The following FSTL5 variants were observed in gnomAD, a reference collection of about 807,000 sequenced individuals.
FSTL5 encodes the protein follistatin like 5.
A neutral mutation model predicts 89.1 loss-of-function variants in FSTL5; 62 were observed. The observed-to-expected ratio is 0.70, with a 90% CI of 0.57 to 0.86. The LOEUF is 0.86. Ranked by LOEUF, FSTL5 falls within the 40% of genes least tolerant of loss-of-function variation. The probability of loss-of-function intolerance (pLI) is 0.00; values close to 1 mark genes in which losing one functional copy is unlikely to be tolerated. For missense variants in FSTL5, 1,057 were observed against 1,001.6 expected (o/e 1.06, Z -0.75); for synonymous variants, 383 against 346.2 (o/e 1.11, Z -1.18).
intron 4 of FSTL5, among the ~76,000 whole-genome samples, chr4:161,862,389 G>A (rs957598523): frequency 6.6e-6 from 1 of 152,142 alleles, no homozygotes; most frequent in African/African-American, 2.4e-5. Context: ...CTTGATATTG[G>A]AGATGATGCC....
intron 10 of FSTL5, among the ~76,000 whole-genome samples, chr4:161,527,006 G>A (rs2126524340): frequency 6.6e-6 from 1 of 152,142 alleles, no homozygotes; most frequent in South Asian, 2.1e-4. Flanking sequence ...GATGGGGATG[G>A]CATTGAATCT....
chr4:161,610,051 C>T (rs1486558893), intron 7 of FSTL5, among the ~76,000 whole-genome samples: 1 of 151,720 alleles, frequency 6.6e-6, no homozygotes, highest in East Asian at 1.9e-4. Flanking sequence ...CTGAGTAGTA[C>T]GTGTATGTGT....
intron 10 of FSTL5, among the ~76,000 whole-genome samples, chr4:161,536,865 A>G (rs530358293): frequency 6.6e-6 from 1 of 152,322 alleles, no homozygotes; most frequent in African/African-American, 2.4e-5. Flanking sequence ...AAGGACAAAG[A>G]AAACAAACAT....
chr4:161,855,881 A>G (rs1352991800), intron 4 of FSTL5, among the ~76,000 whole-genome samples: 3 of 152,172 alleles, frequency 2.0e-5, no homozygotes, highest in African/African-American at 7.2e-5. Flanking sequence ...GTTGGAAAAA[A>G]TGGTTCAAAG....
intron 3 of FSTL5, among the ~76,000 whole-genome samples, chr4:162,009,122 C>T (rs1273234822): frequency 1.3e-5 from 2 of 152,004 alleles, no homozygotes; most frequent in South Asian, 4.1e-4. Flanking sequence ...CTTAGAAATG[C>T]CATTTTTTCA....
intron 5 of FSTL5, among the ~76,000 whole-genome samples, chr4:161,771,394 A>G (rs989538828): frequency 6.6e-6 from 1 of 152,092 alleles, no homozygotes; most frequent in African/African-American, 2.4e-5. Context: ...ACTGGGTACT[A>G]TTATCATTGC....
At chr4:161,904,587 C>G (rs556197662) in intron 4 of FSTL5, among the ~76,000 whole-genome samples, 1 of 151,460 alleles carries the variant, frequency 6.6e-6, no homozygotes, top group South Asian at 2.1e-4. Context: ...ACATATTCAG[C>G]AGGAAGTCAG....
At chr4:161,438,157 G>T (rs1732637040) in intron 15 of FSTL5, among the ~76,000 whole-genome samples, 1 of 152,168 alleles carries the variant, frequency 6.6e-6, no homozygotes, top group Non-Finnish European at 1.5e-5. Flanking sequence ...AAGGCAGGAA[G>T]GGTGAAGAAA....
intron 4 of FSTL5, among the ~76,000 whole-genome samples, chr4:161,900,821 T>C (rs1733340179): frequency 6.6e-6 from 1 of 152,074 alleles, no homozygotes; most frequent in South Asian, 2.1e-4. Flanking sequence ...TAGAAAACAC[T>C]TACCAACTCT....
chr4:161,549,733 A>T (rs1370475623), intron 8 of FSTL5, among the ~76,000 whole-genome samples: 1 of 151,980 alleles, frequency 6.6e-6, no homozygotes, highest in Non-Finnish European at 1.5e-5. Context: ...TCTCCGGTTA[A>T]TGCATGTATT....
rs73860715 is a variant in FSTL5, at chr4:161,759,555, A to G, written c.607-24T>C. 433 of 1,423,374 alleles carry G rather than the reference A, an allele frequency of 3.0e-4. No individual in the cohort carries two copies. The African/African-American group carries it at 5.7e-3, about 19-fold the overall frequency. The allele number at this position is 1,423,374 out of a possible 1,614,324, so 88.2% of individuals were successfully genotyped here. ...ACCTAACAAGAAAATTATAAACCATACCTTTAGATTTGTGTCTTAAAATTT... is the reference window on the plus strand; with the variant it reads ...ACCTAACAAGAAAATTATAAACCATGCCTTTAGATTTGTGTCTTAAAATTT... On this transcript the variant is annotated intron_variant, in intron 5 of 15. Coordinates refer to ENST00000306100, the MANE Select transcript of FSTL5 (RefSeq NM_020116.5).
intron 8 of FSTL5, among the ~76,000 whole-genome samples, chr4:161,550,098 C>T (rs777565900): frequency 3.3e-5 from 5 of 151,806 alleles, no homozygotes; most frequent in Non-Finnish European, 7.4e-5. Flanking sequence ...AAAAATGAGG[C>T]AGGGGAGGGT....
chr4:161,492,703 C>A (rs1398282306), intron 12 of FSTL5, among the ~76,000 whole-genome samples: 2 of 151,736 alleles, frequency 1.3e-5, no homozygotes, highest in Admixed American at 6.6e-5. Context: ...ATAGAAAAAA[C>A]GAGTTGTAAT....
chr4:161,896,796 T>C (rs776733227), intron 4 of FSTL5, among the ~76,000 whole-genome samples: 11 of 152,230 alleles, frequency 7.2e-5, no homozygotes, highest in Admixed American at 2.0e-4. Context: ...TCATTTCATT[T>C]TGTACACTTA....
At chr4:161,446,618 T>C (rs1261212116) in intron 15 of FSTL5, among the ~76,000 whole-genome samples, 5 of 152,084 alleles carry the variant, frequency 3.3e-5, no homozygotes, top group African/African-American at 1.2e-4. Flanking sequence ...CACCAAAATT[T>C]TATGAGAACT....
At chr4:161,452,531 T>C (rs1733201849) in intron 15 of FSTL5, among the ~76,000 whole-genome samples, 1 of 152,050 alleles carries the variant, frequency 6.6e-6, no homozygotes, top group Non-Finnish European at 1.5e-5. Flanking sequence ...ACCATATTCA[T>C]TGCTCAGGTG....
chr4:161,556,247 C>T (rs764332925), intron 8 of FSTL5, among the ~76,000 whole-genome samples: 1 of 151,362 alleles, frequency 6.6e-6, no homozygotes, highest in Non-Finnish European at 1.5e-5. Flanking sequence ...GAAAGCATTG[C>T]ATTAGGGCTT....
intron 2 of FSTL5, among the ~76,000 whole-genome samples, chr4:162,095,096 A>T (rs1034245389): frequency 6.6e-6 from 1 of 152,108 alleles, no homozygotes. Flanking sequence ...CTAGAAAAAA[A>T]TTACTTTAAA....
intron 4 of FSTL5, among the ~76,000 whole-genome samples, chr4:161,849,058 G>A (rs553728262): frequency 6.6e-6 from 1 of 152,216 alleles, no homozygotes; most frequent in South Asian, 2.1e-4. Flanking sequence ...AGGGATCAGT[G>A]CCAATCATTT....
Sources: gnomAD v4.1 joint callset for allele counts (sites outside exome capture counted in the v4.1 genomes callset) on GRCh38, gnomAD v4.1.1 for gene constraint, MANE v1.5 for transcripts, NCBI Gene and HGNC (gene_info 2026-07-23, HGNC 2026-07-21) for gene names.